Variants in LAMA2 observed in about 807,000 individuals in gnomAD.
The protein encoded by LAMA2 is laminin subunit alpha 2.
LAMA2 carries 269 observed loss-of-function variants against 364.8 expected under a neutral mutation model. The ratio of observed to expected loss-of-function variants is 0.74; its 90% CI spans 0.67 to 0.82. LAMA2 has a LOEUF of 0.82. Among genes scored for constraint, LAMA2 ranks in the 40% least tolerant of loss-of-function variants. The pLI is 0.00. For missense variants in LAMA2, 3,807 were observed against 3,873.2 expected (o/e 0.98, Z 0.45); for synonymous variants, 1,379 against 1,370.6 (o/e 1.01, Z -0.14).
chr6:129,265,269 AT>A (rs1232211878), intron 15 of LAMA2, among the ~76,000 whole-genome samples: 2 of 152,142 alleles, frequency 1.3e-5, no homozygotes, highest in South Asian at 2.1e-4. Flanking sequence ...GGCAGCTTTA[AT>A]TTTTTTCTGT....
chr6:128,945,385 G>C (rs193290418), intron 1 of LAMA2, among the ~76,000 whole-genome samples: 1 of 152,296 alleles, frequency 6.6e-6, no homozygotes, highest in African/African-American at 2.4e-5. Flanking sequence ...CAGCTTGCCT[G>C]CTAATCCATC....
chr6:129,147,216 A>T (rs1207834182), intron 6 of LAMA2, among the ~76,000 whole-genome samples, 168 bp downstream of exon 6: 2 of 151,720 alleles, frequency 1.3e-5, no homozygotes, highest in Non-Finnish European at 2.9e-5. Flanking sequence ...TTAGGATGAT[A>T]GACTTTGAAA....
At chr6:129,485,139 T>C (rs1480775729) in intron 55 of LAMA2, among the ~76,000 whole-genome samples, 1 of 152,174 alleles carries the variant, frequency 6.6e-6, no homozygotes, top group African/African-American at 2.4e-5. Flanking sequence ...ATAAGCTAGT[T>C]ATAATAAGAA....
chr6:129,061,462 C>T (rs1474047823), intron 3 of LAMA2, among the ~76,000 whole-genome samples: 1 of 152,172 alleles, frequency 6.6e-6, no homozygotes, highest in Non-Finnish European at 1.5e-5. Context: ...CATTTTTCCC[C>T]TCCTAATTTA....
At chr6:129,124,354 T>C (rs1355286747) in intron 4 of LAMA2, among the ~76,000 whole-genome samples, 1 of 152,176 alleles carries the variant, frequency 6.6e-6, no homozygotes, top group Non-Finnish European at 1.5e-5. Context: ...GGTTTACTCA[T>C]AGCTTGGGAA....
Position 129,177,862 on chromosome 6 carries a change from G to A in LAMA2, c.1463G>A (p.Cys488Tyr), listed in dbSNP as rs1389216271. 6.2e-7 allele frequency: 1 copy of A among 1,613,448 alleles called. No homozygotes were observed. Among genetic ancestry groups the A allele is most frequent in the South Asian group, 1.1e-5 (1 of 91,062 alleles). ...NEDPCFGPCI[C>Y]KENVEGGDCS... ...GATCCTTGTTTTGGCCCCTGTATCT[G>A]CAAGGTACATTGTTTATTCCAGTAA... is the stretch of plus-strand genomic sequence containing the variant. The change falls in exon 10 of 65, where the codon TGC becomes TAC. Residue 488 changes from cysteine to tyrosine, a missense_variant. Physicochemically the swap from Cys to Tyr is radical, Grantham distance 194. Transcript: ENST00000421865.
At chr6:129,388,976 C>A (rs1336860508) in intron 35 of LAMA2, among the ~76,000 whole-genome samples, 2 of 152,184 alleles carry the variant, frequency 1.3e-5, no homozygotes, top group Non-Finnish European at 2.9e-5. Flanking sequence ...AGGCTTCCCA[C>A]CTAGTTTGCT....
chr6:129,324,504 CTATTATAT>C (rs1775154652), intron 28 of LAMA2, among the ~76,000 whole-genome samples: 1 of 152,216 alleles, frequency 6.6e-6, no homozygotes, highest in South Asian at 2.1e-4. Flanking sequence ...TTGTACTCAA[CTATTATAT>C]TATGCAGTCA....
rs1355068768 is a variant in LAMA2 at position 129,440,944 on chromosome 6, C to T, written c.6214C>T (p.Leu2072=). Residue 2072 remains leucine, a synonymous_variant, in exon 43 of 65, where the codon CTA becomes TTA. Transcript: ENST00000421865. ...TGGCCTGAAGAAGAATTACAATAAA[C>T]TAGCAGACAGCGTCGCCAAAACGAA... ...LDGLKKNYNK[L]ADSVAKTNAV... The T allele has an allele frequency of 6.2e-7, 1 of 1,613,866 alleles. No individual in the cohort carries two copies.
intron 10 of LAMA2, among the ~76,000 whole-genome samples, chr6:129,185,038 A>G (rs986378275): frequency 1.3e-5 from 2 of 151,944 alleles, no homozygotes; most frequent in Admixed American, 6.6e-5. Flanking sequence ...TCTAAAGGTC[A>G]TAACAGAAGA....
chr6:129,361,972 T>C (rs1195386687), intron 32 of LAMA2, among the ~76,000 whole-genome samples: 2 of 151,650 alleles, frequency 1.3e-5, no homozygotes, highest in Non-Finnish European at 2.9e-5. Context: ...TTAGTAGAGA[T>C]GGGGTTTCAC....
At chr6:129,233,106 G>A (rs755969102) in intron 12 of LAMA2, among the ~76,000 whole-genome samples, 5 of 152,062 alleles carry the variant, frequency 3.3e-5, no homozygotes, top group African/African-American at 7.2e-5. Flanking sequence ...TATCCATGCC[G>A]ACACCATCAT....
intron 62 of LAMA2, 112 bp from the exon 63 acceptor site, chr6:129,512,251 A>G: frequency 3.9e-6 from 4 of 1,038,236 alleles, no homozygotes; most frequent in Non-Finnish European, 5.7e-6. Context: ...AGCCCTCATT[A>G]GAATTAGCTA....
intron 1 of LAMA2, among the ~76,000 whole-genome samples, chr6:128,898,100 G>C (rs1776878636): frequency 6.6e-6 from 1 of 152,188 alleles, no homozygotes; most frequent in African/African-American, 2.4e-5. Context: ...GTATTCAGAA[G>C]AGGATGGAAT....
At chr6:129,331,676 C>CA (rs1178717437) in intron 29 of LAMA2, among the ~76,000 whole-genome samples, 1 of 151,854 alleles carries the variant, frequency 6.6e-6, no homozygotes, top group Non-Finnish European at 1.5e-5. Flanking sequence ...ATCTTAAAAG[C>CA]AAAAACAAAC....
chr6:128,983,015 T>A lies in LAMA2; in HGVS notation c.113-66903T>A, dbSNP rs568440765. ...ATTTTCTTAATCCAGTCTATCATTG[T>A]TGTACATTTGGGTTGGTTCCAAGTC... On this transcript the variant is annotated intron_variant, in intron 1 of 64. Transcript: ENST00000421865. Among the ~76,000 whole-genome samples the A allele has an allele frequency of 7.0e-3, 1,064 of 151,120 alleles. 22 individuals are homozygous for A. The highest frequency in any genetic ancestry group is 0.025 in the African/African-American group (1,004 of 40,562).
intron 8 of LAMA2, among the ~76,000 whole-genome samples, chr6:129,155,965 T>A (rs1779088919): frequency 1.3e-5 from 2 of 151,930 alleles, no homozygotes; most frequent in Non-Finnish European, 2.9e-5. Context: ...GAGATGTTGG[T>A]CAAAGAATAT....
chr6:129,291,515 T>C, intron 19 of LAMA2, 99 bp from the exon 20 acceptor site: 1 of 824,656 alleles, frequency 1.2e-6, no homozygotes, highest in South Asian at 1.4e-5. Flanking sequence ...TTACTGAACT[T>C]AGGCGTCCAT....
chr6:129,123,397 A>G (rs1583082893), intron 4 of LAMA2, among the ~76,000 whole-genome samples: 1 of 152,044 alleles, frequency 6.6e-6, no homozygotes, highest in East Asian at 1.9e-4. Context: ...ATTCAAAGCA[A>G]TTGAAATCAG....
Sources: gnomAD v4.1 joint callset for allele counts (sites outside exome capture counted in the v4.1 genomes callset) on GRCh38, gnomAD v4.1.1 for gene constraint, MANE v1.5 for transcripts, NCBI Gene and HGNC (gene_info 2026-07-23, HGNC 2026-07-21) for gene names.